Variants in C10orf90 observed in about 807,000 individuals in gnomAD.
C10orf90 encodes the protein (E2-independent) E3 ubiquitin-conjugating enzyme FATS.
Under a neutral mutation model 62.5 loss-of-function variants are expected in C10orf90, and 56 were observed. That is an observed-to-expected ratio of 0.90 (90% confidence interval 0.72 to 1.12). The LOEUF (loss-of-function observed/expected upper bound fraction) is 1.12, where lower values mean the gene tolerates loss of function less well. Ranked by LOEUF, C10orf90 falls within the 50% of genes most tolerant of loss-of-function variation. The pLI, the probability that C10orf90 is intolerant of heterozygous loss-of-function variation, is 0.00. For missense variants in C10orf90, 970 were observed against 880.4 expected, an observed-to-expected ratio of 1.10 and a Z score of -1.29; for synonymous variants, 386 against 340.4, an observed-to-expected ratio of 1.13 and a Z score of -1.47.
At chr10:126,556,934 T>G (rs1206139397) in intron 2 of C10orf90, among the ~76,000 whole-genome samples, 1 of 150,782 alleles carries the variant, frequency 6.6e-6, no homozygotes, top group Non-Finnish European at 1.5e-5. Flanking sequence ...CTGAAGGCTC[T>G]GGATAAGAGG....
chr10:126,449,764 C>T (rs34419803), intron 7 of C10orf90, among the ~76,000 whole-genome samples: 31,464 of 151,886 alleles, frequency 0.21, 3,384 homozygotes, highest in South Asian at 0.29. Context: ...TTTGGGAGGC[C>T]GAGGCAGGCA....
chr10:126,627,000 C>CTTTTTTTTTTTTTTTTTTTTTT (rs61226052), intron 2 of C10orf90, among the ~76,000 whole-genome samples: 1 of 119,496 alleles, frequency 8.4e-6, no homozygotes, highest in African/African-American at 3.1e-5. Flanking sequence ...TTTTTCTTTT[C>CTTTTTTTTTTTTTTTTTTTTTT]TTTTTTTTTT....
chr10:126,640,377 G>A (rs1203852161), intron 2 of C10orf90, among the ~76,000 whole-genome samples: 1 of 152,256 alleles, frequency 6.6e-6, no homozygotes, highest in African/African-American at 2.4e-5. Flanking sequence ...CCGCAGGTTT[G>A]CCTGGGAGGA....
At chr10:126,528,557 G>T (rs372229394) in intron 2 of C10orf90, among the ~76,000 whole-genome samples, 1 of 152,180 alleles carries the variant, frequency 6.6e-6, no homozygotes, top group Non-Finnish European at 1.5e-5. Flanking sequence ...TGAGAAACAC[G>T]GTTCTATTTA....
rs189478732 is a variant in C10orf90, at chr10:126,655,148, G to A, written c.241-8511C>T. Among the ~76,000 whole-genome samples, 312 of 152,068 alleles carry A rather than the reference G, an allele frequency of 2.1e-3. 3 individuals carry two copies. Among genetic ancestry groups the A allele is most frequent in the African/African-American group, 6.3e-3 (261 of 41,470 alleles). ...ATCCTGGTCAACATGGTGAAACCCC[G>A]TCTCTACTAAAATACAAAAATTAGC... On this transcript the variant is annotated intron_variant, in intron 1 of 9. Coordinates refer to ENST00000488181, the MANE Select transcript of C10orf90 (RefSeq NM_001350921.2).
intron 7 of C10orf90, among the ~76,000 whole-genome samples, chr10:126,434,901 T>G (rs920047561): frequency 6.6e-6 from 1 of 152,210 alleles, no homozygotes; most frequent in African/African-American, 2.4e-5. Context: ...TGGTCTATCT[T>G]GAACCAAATT....
chr10:126,670,185 T>C, intron 1 of C10orf90, 56 bp downstream of exon 1: 1 of 443,786 alleles, frequency 2.3e-6, no homozygotes. Context: ...GAGCAACACG[T>C]CCATCTCTCT....
chr10:126,487,995 G>T (rs1861530659), intron 4 of C10orf90, among the ~76,000 whole-genome samples: 1 of 151,936 alleles, frequency 6.6e-6, no homozygotes, highest in African/African-American at 2.4e-5. Context: ...ACAATTTTTA[G>T]CTGGTCACTA....
intron 2 of C10orf90, among the ~76,000 whole-genome samples, chr10:126,597,674 T>A (rs891347463): frequency 6.6e-6 from 1 of 152,174 alleles, no homozygotes; most frequent in African/African-American, 2.4e-5. Context: ...TGGATAGAAC[T>A]GGGTGCATTT....
chr10:126,562,611 G>A (rs72839028), intron 2 of C10orf90, among the ~76,000 whole-genome samples: 18,215 of 152,216 alleles, frequency 0.12, 1,298 homozygotes, highest in Non-Finnish European at 0.17. Flanking sequence ...TCAATGAGCA[G>A]TTCCTCTCCC....
intron 2 of C10orf90, among the ~76,000 whole-genome samples, chr10:126,536,983 G>C (rs1864254523): frequency 6.6e-6 from 1 of 152,184 alleles, no homozygotes; most frequent in Non-Finnish European, 1.5e-5. Flanking sequence ...AAGTGGGTTT[G>C]GTGCTTATCT....
At chr10:126,663,482 T>C (rs1846559841) in intron 1 of C10orf90, among the ~76,000 whole-genome samples, 1 of 152,178 alleles carries the variant, frequency 6.6e-6, no homozygotes. Flanking sequence ...TTTGGAAAAA[T>C]AGGCCTCATG....
chr10:126,524,256 A>C (rs1158260675), intron 2 of C10orf90, among the ~76,000 whole-genome samples: 1 of 152,170 alleles, frequency 6.6e-6, no homozygotes, highest in Non-Finnish European at 1.5e-5. Context: ...TCATGACCAC[A>C]TGTGCAGAGG....
chr10:126,576,728 A>ATATATGTATATGTATATATACATATAGAT (rs1564879182), intron 2 of C10orf90, among the ~76,000 whole-genome samples: 2 of 36,926 alleles, frequency 5.4e-5, no homozygotes, highest in Non-Finnish European at 1.1e-4. Context: ...AGATATACAT[A>ATATATGTATATGTATATATACATATAGAT]TATATGTATA....
intron 1 of C10orf90, among the ~76,000 whole-genome samples, chr10:126,649,022 C>CTCTCTGTCTCTG (rs1263827217): frequency 2.5e-5 from 2 of 80,338 alleles, no homozygotes; most frequent in Non-Finnish European, 5.1e-5. Context: ...ATCTCTCTCT[C>CTCTCTGTCTCTG]TCTCTGTCTC....
intron 8 of C10orf90, 32 bp downstream of exon 8, chr10:126,429,755 A>G (rs372946723): frequency 1.8e-5 from 29 of 1,604,906 alleles, no homozygotes; most frequent in Middle Eastern, 1.6e-4. Context: ...CCCCCCACCA[A>G]CTTCTTTGCA....
At chr10:126,659,506 G>A (rs1031893876) in intron 1 of C10orf90, among the ~76,000 whole-genome samples, 4 of 152,024 alleles carry the variant, frequency 2.6e-5, no homozygotes, top group Non-Finnish European at 4.4e-5. Flanking sequence ...ATTTGTCTTC[G>A]GCCCTATTGG....
At chr10:126,655,834 C>CAAAA (rs1195360598) in intron 1 of C10orf90, among the ~76,000 whole-genome samples, 1,472 of 126,322 alleles carry the variant, frequency 0.012, 17 homozygotes, top group African/African-American at 0.038. Context: ...CAAAACAAAA[C>CAAAA]AAAACAAAAA....
In C10orf90 at chr10:126,540,829, G is replaced by A. The variant is rs749103674; in HGVS notation, c.314-26890C>T. The stretch of plus-strand genomic sequence containing the variant: ...ATAGATCCATGGAAGAAAACAGAGT[G>A]AGACATCCATGTATATTTGGGAATT... On this transcript the variant is annotated intron_variant, in intron 2 of 9. Transcript: ENST00000488181. Among the ~76,000 whole-genome samples, 5 of 152,140 alleles carry A rather than the reference G, an allele frequency of 3.3e-5. No homozygotes were observed. The South Asian group carries it at 1.0e-3, about 32-fold the overall frequency.
Sources: allele counts gnomAD v4.1 joint callset (sites outside exome capture counted in the v4.1 genomes callset), GRCh38; gene constraint gnomAD v4.1.1; transcripts MANE v1.5; gene names NCBI Gene and HGNC (gene_info 2026-07-23, HGNC 2026-07-21).